Variants in EBF1 observed in about 807,000 individuals in gnomAD.
EBF1 encodes transcription factor COE1.
A neutral mutation model predicts 68.4 loss-of-function variants in EBF1; 10 were observed. The ratio of observed to expected loss-of-function variants is 0.15; its 90% confidence interval spans 0.09 to 0.25. The LOEUF is 0.25. Among genes scored for constraint, EBF1 ranks in the 10% least tolerant of loss-of-function variants. The probability of loss-of-function intolerance (pLI) is 1.00; values close to 1 mark genes in which losing one functional copy is unlikely to be tolerated. For synonymous variants in EBF1, 298 were observed against 299.8 expected (o/e 0.99, Z 0.06); for missense variants, 509 against 794.4 (o/e 0.64, Z 4.32).
At chr5:158,834,199 T>C (rs1006495382) in intron 7 of EBF1, among the ~76,000 whole-genome samples, 1 of 152,174 alleles carries the variant, frequency 6.6e-6, no homozygotes, top group Non-Finnish European at 1.5e-5. Context: ...TGATAAAAAT[T>C]TAAATCTTAA....
At chr5:158,838,602 A>G (rs764001899) in intron 7 of EBF1, among the ~76,000 whole-genome samples, 3 of 152,206 alleles carry the variant, frequency 2.0e-5, no homozygotes, top group African/African-American at 4.8e-5. Context: ...TAATAAGACT[A>G]ATAAGTCTCA....
At chr5:158,999,695 G>C (rs1170167652) in intron 6 of EBF1, among the ~76,000 whole-genome samples, 1 of 152,198 alleles carries the variant, frequency 6.6e-6, no homozygotes, top group Non-Finnish European at 1.5e-5. Flanking sequence ...CTGATCCGTA[G>C]TGTATTTTTT....
At chr5:158,853,722 A>G (rs1027530206) in intron 6 of EBF1, among the ~76,000 whole-genome samples, 2 of 152,234 alleles carry the variant, frequency 1.3e-5, no homozygotes, top group African/African-American at 4.8e-5. Flanking sequence ...TTTAGGCTCC[A>G]CAACTTCAAT....
chr5:158,838,313 G>A (rs1339994242), intron 7 of EBF1, among the ~76,000 whole-genome samples: 3 of 151,950 alleles, frequency 2.0e-5, no homozygotes, highest in Non-Finnish European at 4.4e-5. Context: ...GGGCATGGTG[G>A]TGGGTGCCTG....
chr5:158,964,184 A>C (rs973895556), intron 6 of EBF1, among the ~76,000 whole-genome samples: 1 of 152,186 alleles, frequency 6.6e-6, no homozygotes, highest in African/African-American at 2.4e-5. Context: ...GCAAGCTCAG[A>C]GTTCACGGTG....
chr5:159,087,433 T>C (rs1234649831), intron 4 of EBF1, among the ~76,000 whole-genome samples: 5 of 147,592 alleles, frequency 3.4e-5, no homozygotes, highest in Non-Finnish European at 6.0e-5. Context: ...TATACACACA[T>C]ATATATACAT....
intron 6 of EBF1, among the ~76,000 whole-genome samples, chr5:158,956,851 C>T (rs1014009251): frequency 9.9e-5 from 15 of 151,688 alleles, no homozygotes; most frequent in East Asian, 3.9e-4. Context: ...CTCCACCTCC[C>T]GGGTTCACAC....
rs544599876 is a variant in EBF1 at position 158,969,238 on chromosome 5, G to A, written c.554+104158C>T. On this transcript the variant is annotated intron_variant, in intron 6 of 15. Coordinates refer to ENST00000313708, the MANE Select transcript of EBF1 (RefSeq NM_024007.5). ...ACTCACTTGAACCTGGGGGGCAGAGGTTTCAGTAAGCCAAAATTGCACCAC... is the reference window on the plus strand; with the variant it reads ...ACTCACTTGAACCTGGGGGGCAGAGATTTCAGTAAGCCAAAATTGCACCAC... Among the ~76,000 whole-genome samples the A allele has an allele frequency of 2.0e-5, 3 of 152,246 alleles. No individual in the cohort carries two copies. The South Asian group carries it at 6.2e-4, about 32-fold the overall frequency.
In EBF1 at chr5:158,814,063, G is replaced by A. The variant is rs1582133568; in HGVS notation, c.778+9113C>T. On this transcript the variant is annotated intron_variant, in intron 8 of 15. Transcript: ENST00000313708. ...GACAAAAAAAATTAGGCTTAAAAAA[G>A]TTCTGACCAGGCTGGCTCATACCTG... 5.9e-5 allele frequency among the ~76,000 whole-genome samples: 9 copies of A among 152,292 alleles called. 3 individuals carry two copies. The highest frequency in any genetic ancestry group is 5.9e-4 in the Admixed American group (9 of 15,300).
chr5:158,795,652 G>A (rs1000327688), intron 9 of EBF1, among the ~76,000 whole-genome samples: 5 of 152,168 alleles, frequency 3.3e-5, no homozygotes, highest in Non-Finnish European at 7.3e-5. Flanking sequence ...TCTATATAAC[G>A]GGATGCATGT....
chr5:159,085,665 C>A (rs554134586), intron 4 of EBF1, among the ~76,000 whole-genome samples: 2 of 152,318 alleles, frequency 1.3e-5, no homozygotes, highest in East Asian at 3.9e-4. Flanking sequence ...CACACGGCTT[C>A]AAATTGTTAA....
At chr5:158,718,992 G>A (rs185797660) in intron 11 of EBF1, among the ~76,000 whole-genome samples, 3 of 152,144 alleles carry the variant, frequency 2.0e-5, no homozygotes, top group African/African-American at 7.2e-5. Context: ...CAAGTCTTGA[G>A]AAATTCATGT....
At chr5:159,062,778 A>T (rs1216843399) in intron 6 of EBF1, among the ~76,000 whole-genome samples, 1 of 152,226 alleles carries the variant, frequency 6.6e-6, no homozygotes, top group African/African-American at 2.4e-5. Context: ...AATTCCCATT[A>T]TCATGTGTAA....
At chr5:158,718,630 A>T (rs1761257114) in intron 11 of EBF1, among the ~76,000 whole-genome samples, 1 of 152,198 alleles carries the variant, frequency 6.6e-6, no homozygotes, top group South Asian at 2.1e-4. Flanking sequence ...TGACACTCAG[A>T]GAGGTCAGCT....
chr5:158,940,339 C>T (rs568578951), intron 6 of EBF1, among the ~76,000 whole-genome samples: 56 of 152,308 alleles, frequency 3.7e-4, no homozygotes, highest in African/African-American at 1.3e-3. Flanking sequence ...CAGATCGCGA[C>T]GAGTCCAGGG....
chr5:159,033,530 G>A (rs527791011), intron 6 of EBF1, among the ~76,000 whole-genome samples: 10 of 152,154 alleles, frequency 6.6e-5, no homozygotes, highest in South Asian at 4.1e-4. Context: ...AAGTTAAAAC[G>A]TCTTTTTCGG....
chr5:158,750,812 A>T (rs574097645), intron 10 of EBF1, among the ~76,000 whole-genome samples: 1 of 152,254 alleles, frequency 6.6e-6, no homozygotes, highest in African/African-American at 2.4e-5. Context: ...TCATAAAGGG[A>T]TAGAACATTT....
At chr5:159,078,494 T>G (rs988320364) in intron 5 of EBF1, among the ~76,000 whole-genome samples, 37 of 152,234 alleles carry the variant, frequency 2.4e-4, no homozygotes, top group African/African-American at 8.7e-4. Context: ...TGATGGACCT[T>G]CATCCGTTCA....
chr5:159,032,837 T>A (rs1343094160), intron 6 of EBF1, among the ~76,000 whole-genome samples: 1 of 152,140 alleles, frequency 6.6e-6, no homozygotes, highest in Non-Finnish European at 1.5e-5. Context: ...CAAGAGGCTA[T>A]CAAGAGCTCT....
Sources: gnomAD v4.1 joint callset for allele counts (sites outside exome capture counted in the v4.1 genomes callset) on GRCh38, gnomAD v4.1.1 for gene constraint, MANE v1.5 for transcripts, NCBI Gene and HGNC (gene_info 2026-07-23, HGNC 2026-07-21) for gene names.